The following METTL1 variants were observed in gnomAD, a reference collection of about 807,000 sequenced individuals.
The protein encoded by METTL1 is methyltransferase 1, tRNA methylguanosine.
A neutral mutation model predicts 27.7 loss-of-function variants in METTL1; 14 were observed. The ratio of observed to expected loss-of-function variants is 0.51; its 90% CI spans 0.33 to 0.79. METTL1 has a LOEUF of 0.79. METTL1 is among the 30% of genes least tolerant of loss of function. METTL1 has a pLI of 0.02. For synonymous variants in METTL1, 138 were observed against 137.0 expected (o/e 1.01, Z -0.05); for missense variants, 333 against 359.6 (o/e 0.93, Z 0.60).
At chr12:57,769,499 C>A (rs1312186269) in intron 4 of METTL1, 66 bp downstream of exon 4, 1 of 1,577,468 alleles carries the variant, frequency 6.3e-7, no homozygotes, top group Non-Finnish European at 8.7e-7. Flanking sequence ...TGCACCCCCA[C>A]TGAATTCTTA....
In METTL1 at chr12:57,769,570, C is replaced by A; in HGVS notation, c.568G>T (p.Val190Phe). ...TCCCTCCGATCCCAACTCACCCCAA[C>A]TCTTAGCACGTAGGCATATTCTGCT... Reference protein sequence around the residue: ...LLAEYAYVLRVGGLVYTITDV... With the variant: ...LLAEYAYVLRFGGLVYTITDV... Residue 190 changes from valine to phenylalanine, a missense_variant, in exon 4 of 6, where the codon GTT becomes TTT. By Grantham distance (50) the Val-to-Phe change is conservative (BLOSUM62 -1). Coordinates refer to ENST00000324871, the MANE Select transcript of METTL1 (RefSeq NM_005371.6). The A allele has an allele frequency of 6.4e-7, 1 of 1,553,026 alleles. No homozygotes were observed. The highest frequency in any genetic ancestry group is 1.4e-5 in the African/African-American group (1 of 73,638).
chr12:57,769,458 G>C (rs750426226), intron 4 of METTL1, 54 bp from the exon 5 acceptor site: 18 of 1,603,312 alleles, frequency 1.1e-5, no homozygotes, highest in Admixed American at 1.7e-5. Context: ...TCAGCAGCCA[G>C]ATGAAGGAAG....
intron 1 of METTL1, 80 bp downstream of exon 1, chr12:57,771,894 C>A (rs1595125148): frequency 7.0e-7 from 1 of 1,435,196 alleles, no homozygotes. Flanking sequence ...CCCAAATCCT[C>A]CCAGCAGTTG....
intron 1 of METTL1, chr12:57,771,745 C>T (rs906628332): frequency 1.5e-6 from 2 of 1,339,158 alleles, no homozygotes; most frequent in Non-Finnish European, 2.0e-6. Flanking sequence ...ATTTATTTCT[C>T]TTCCCAAACT....
chr12:57,770,911 C>T (rs1955421256), intron 2 of METTL1, 183 bp downstream of exon 2: 2 of 605,506 alleles, frequency 3.3e-6, no homozygotes, highest in Non-Finnish European at 5.6e-6. Flanking sequence ...TGAGGCAGCC[C>T]CCTCCACTCT....
rs1341389740 is a variant in METTL1, at chr12:57,769,927, G to C, written c.304C>G (p.Leu102Val). ...VELSPLFPDTLILGLEIRVKV... is the reference protein window; with the variant it reads ...VELSPLFPDTVILGLEIRVKV... ...ACCCGGATCTCCAGACCCAGAATAA[G>C]TGTGTCTGGGAACAGCGGTGACAGT... Residue 102 changes from leucine (L) to valine (V), a missense_variant, in exon 3 of 6, where the codon CTT becomes GTT. Leu to Val is a conservative substitution (Grantham distance 32). Transcript: ENST00000324871. 3 of 1,612,152 alleles carry C rather than the reference G, an allele frequency of 1.9e-6. No homozygotes were observed. Among genetic ancestry groups the C allele is most frequent in the Non-Finnish European group, 2.5e-6 (3 of 1,179,086 alleles).
chr12:57,771,616 G>A, intron 1 of METTL1: 1 of 1,535,362 alleles, frequency 6.5e-7, no homozygotes, highest in South Asian at 1.2e-5. Context: ...CTGCGGGGAG[G>A]GAAGGTAAGG....
intron 1 of METTL1, 76 bp downstream of exon 1, chr12:57,771,898 G>A (rs1955437818): frequency 2.1e-6 from 3 of 1,436,536 alleles, no homozygotes; most frequent in Non-Finnish European, 2.8e-6. Context: ...AATCCTCCCA[G>A]CAGTTGCAGC....
Position 57,769,548 on chromosome 12 carries a change from C to T in METTL1, c.573+17G>A. ...GAGTAGGCCACTCACCCCATCATCC[C>T]TCCGATCCCAACTCACCCCAACTCT... is the stretch of plus-strand genomic sequence containing the variant. On this transcript the variant is annotated intron_variant, in intron 4 of 5. Coordinates refer to ENST00000324871, the MANE Select transcript of METTL1 (RefSeq NM_005371.6). The T allele has an allele frequency of 6.4e-7, 1 of 1,559,138 alleles. No homozygotes were observed.
In METTL1 at chr12:57,771,221, T is replaced by C. The variant is rs1276728182; in HGVS notation, c.147A>G (p.Leu49=). Residue 49 remains leucine (L), a synonymous_variant, in exon 2 of 6, where the codon CTA becomes CTG. Coordinates refer to ENST00000324871, the MANE Select transcript of METTL1 (RefSeq NM_005371.6). ...VKPEEMDWSE[L]YPEFFAPLTQ... Reference sequence around the variant, plus strand: ...TGAGTGGAGCGAAGAACTCTGGGTATAGCTCAGACCAGTCCATCTCCTCTG... The same window carrying C: ...TGAGTGGAGCGAAGAACTCTGGGTACAGCTCAGACCAGTCCATCTCCTCTG... 1 of 1,614,020 alleles carries C rather than the reference T, an allele frequency of 6.2e-7. No individual in the cohort carries two copies. The highest frequency in any genetic ancestry group is 1.3e-5 in the African/African-American group (1 of 74,896).
At position 57,769,580 on chromosome 12, in the gene METTL1, G is replaced by A. The variant is rs762750799; in HGVS notation, c.558C>T (p.Tyr186=). The change falls in exon 4 of 6, where the codon TAC becomes TAT. Residue 186 remains tyrosine (Y), a synonymous_variant. Coordinates refer to ENST00000324871, the MANE Select transcript of METTL1 (RefSeq NM_005371.6). The stretch of plus-strand genomic sequence containing the variant: ...CCCAACTCACCCCAACTCTTAGCAC[G>A]TAGGCATATTCTGCTAGCAGGGTGG... ...ISPTLLAEYA[Y]VLRVGGLVYT... is the part of the protein sequence containing the mutation. 4.1e-5 allele frequency: 64 copies of A among 1,551,458 alleles called. No individual in the cohort carries two copies. The highest frequency in any genetic ancestry group is 1.7e-4 in the Middle Eastern group (1 of 5,756).
chr12:57,771,736 T>C, intron 1 of METTL1: 1 of 1,366,568 alleles, frequency 7.3e-7, no homozygotes, highest in African/African-American at 1.5e-5. Flanking sequence ...TCAGTAACAA[T>C]TTATTTCTCT....
rs1303819660 is a variant in METTL1, at chr12:57,769,856, T to C, written c.375A>G (p.Ala125=). 6.2e-7 allele frequency: 1 copy of C among 1,614,218 alleles called. No individual in the cohort carries two copies. The highest frequency in any genetic ancestry group is 1.1e-5 in the South Asian group (1 of 91,080). The change falls in exon 3 of 6, where the codon GCA becomes GCG. Residue 125 remains alanine, a synonymous_variant. Transcript: ENST00000324871. ...YVQDRIRALR[A]APAGGFQNIA... ...TGTTCTGGAAGCCACCTGCAGGAGCTGCGCGTAGGGCCCGAATCCGGTCTT... is the reference window on the plus strand; with the variant it reads ...TGTTCTGGAAGCCACCTGCAGGAGCCGCGCGTAGGGCCCGAATCCGGTCTT...
In METTL1 at chr12:57,771,235, C is replaced by T; in HGVS notation, c.133G>A (p.Asp45Asn). ...AACTCTGGGTATAGCTCAGACCAGT[C>T]CATCTCCTCTGGCTTCACAGGGCTA... ...LRYPVKPEEM[D>N]WSELYPEFFA... The change falls in exon 2 of 6, where the codon GAC becomes AAC. Residue 45 changes from aspartate (D) to asparagine (N), a missense_variant. Physicochemically the swap from Asp to Asn is conservative, Grantham distance 23. Coordinates refer to ENST00000324871, the MANE Select transcript of METTL1 (RefSeq NM_005371.6). 6.2e-7 allele frequency: 1 copy of T among 1,613,932 alleles called. No individual in the cohort carries two copies. Among genetic ancestry groups the T allele is most frequent in the Non-Finnish European group, 8.5e-7 (1 of 1,179,940 alleles).
At chr12:57,771,350 G>C in intron 1 of METTL1, 93 bp from the exon 2 acceptor site, 1 of 1,507,688 alleles carries the variant, frequency 6.6e-7, no homozygotes, top group East Asian at 2.3e-5. Flanking sequence ...GAGGGTGGGA[G>C]GTAAAAGGGA....
intron 2 of METTL1, 137 bp downstream of exon 2, chr12:57,770,957 G>A: frequency 1.1e-6 from 1 of 901,960 alleles, no homozygotes; most frequent in Non-Finnish European, 1.7e-6. Context: ...GTAGAGGGTA[G>A]GTGGAGCCTC....
In METTL1 at chr12:57,769,653, G is replaced by A. The variant is rs1391615723; in HGVS notation, c.485C>T (p.Pro162Leu). The A allele has an allele frequency of 1.3e-6, 2 of 1,564,540 alleles. No homozygotes were observed. Among genetic ancestry groups the A allele is most frequent in the Non-Finnish European group, 1.7e-6 (2 of 1,151,874 alleles). Reference protein sequence around the residue: ...GQLTKMFFLFPDPHFKRTKHK... With the variant: ...GQLTKMFFLFLDPHFKRTKHK... Reference sequence around the variant, plus strand: ...CTTTGTCCGCTTGAAATGTGGGTCGGGGAAGAGGAAGAACATCTTTGTCAG... The same window carrying A: ...CTTTGTCCGCTTGAAATGTGGGTCGAGGAAGAGGAAGAACATCTTTGTCAG... Residue 162 changes from proline to leucine, a missense_variant, in exon 4 of 6, where the codon CCC (proline) becomes CTC (leucine). By Grantham distance (98) the Pro-to-Leu change is moderately conservative. Transcript: ENST00000324871.
rs746153660 is a variant in METTL1 at position 57,769,110 on chromosome 12, C to G, written c.717G>C (p.Glu239Asp). 2.5e-6 allele frequency: 4 copies of G among 1,610,306 alleles called. No homozygotes were observed. Among genetic ancestry groups the G allele is most frequent in the Non-Finnish European group, 3.4e-6 (4 of 1,176,768 alleles). Residue 239 changes from glutamate (E) to aspartate (D), a missense_variant, in exon 6 of 6, where the codon GAG becomes GAC. Physicochemically the swap from Glu to Asp is conservative, Grantham distance 45. Coordinates refer to ENST00000324871, the MANE Select transcript of METTL1 (RefSeq NM_005371.6). ...PVVGHLGTSTEEGKKVLRNGG... is the reference protein window; with the variant it reads ...PVVGHLGTSTDEGKKVLRNGG... ...CATTACGTAGAACTTTCTTCCCCTC[C>G]TCAGTTGAGGTGCCTAGATGTCCCA...
chr12:57,768,750 C>T lies in METTL1; in HGVS notation c.*246G>A. 1 of 439,398 alleles carries T rather than the reference C, an allele frequency of 2.3e-6. No individual in the cohort carries two copies. 27.2% of individuals were successfully genotyped at this position (439,398 alleles called of 1,614,324 possible). ...AAGACCCCACAGCCTTCCAAAGATC[C>T]CCTATGGTCCAAAGTCCTTTGACCA... On this transcript the variant is annotated 3_prime_UTR_variant, in exon 6 of 6. Transcript: ENST00000324871.
Sources: gnomAD v4.1 joint callset for allele counts on GRCh38, gnomAD v4.1.1 for gene constraint, MANE v1.5 for transcripts, NCBI Gene and HGNC (gene_info 2026-07-23, HGNC 2026-07-21) for gene names.